CPA6: variants seen among roughly 807,000 people sequenced by gnomAD.
The protein encoded by CPA6 is carboxypeptidase B.
In CPA6, 58 loss-of-function variants were observed where a neutral mutation model predicts 63.3. That is an observed-to-expected ratio of 0.92 (90% CI 0.74 to 1.14). CPA6 has a LOEUF of 1.14. Ranked by LOEUF, CPA6 falls within the 50% of genes most tolerant of loss-of-function variation. The pLI is 0.00. For synonymous variants in CPA6, 185 were observed against 179.0 expected (o/e 1.03, Z -0.27); for missense variants, 565 against 526.6 (o/e 1.07, Z -0.71).
intron 2 of CPA6, among the ~76,000 whole-genome samples, chr8:67,528,928 C>CT (rs1812421189): frequency 6.6e-6 from 1 of 151,358 alleles, no homozygotes; most frequent in Non-Finnish European, 1.5e-5. Flanking sequence ...ATTGAAAAGT[C>CT]TAAGGAGAGA....
At chr8:67,544,237 A>T (rs1812766237) in intron 2 of CPA6, among the ~76,000 whole-genome samples, 1 of 152,206 alleles carries the variant, frequency 6.6e-6, no homozygotes, top group Non-Finnish European at 1.5e-5. Flanking sequence ...AAATCCAGGA[A>T]AAGGGGGTTA....
intron 1 of CPA6, among the ~76,000 whole-genome samples, chr8:67,711,889 T>C (rs886750113): frequency 6.6e-6 from 1 of 152,138 alleles, no homozygotes; most frequent in Non-Finnish European, 1.5e-5. Context: ...GGTGGCACTG[T>C]TGCCCCAAGG....
At chr8:67,723,144 G>C (rs1273615150) in intron 1 of CPA6, among the ~76,000 whole-genome samples, 1 of 151,918 alleles carries the variant, frequency 6.6e-6, no homozygotes, top group Admixed American at 6.6e-5. Context: ...CCATATTATA[G>C]ATATATCATG....
At chr8:67,690,207 T>C (rs1816788307) in intron 1 of CPA6, among the ~76,000 whole-genome samples, 1 of 152,204 alleles carries the variant, frequency 6.6e-6, no homozygotes, top group African/African-American at 2.4e-5. Flanking sequence ...TCAATTAATG[T>C]TAATCAAATT....
chr8:67,629,410 G>A (rs1188720477), intron 1 of CPA6, among the ~76,000 whole-genome samples: 1 of 151,138 alleles, frequency 6.6e-6, no homozygotes, highest in Non-Finnish European at 1.5e-5. Flanking sequence ...AGGCTAAGGA[G>A]CTGGAGGCTG....
At chr8:67,652,665 A>G (rs1815876322) in intron 1 of CPA6, among the ~76,000 whole-genome samples, 3 of 149,994 alleles carry the variant, frequency 2.0e-5, no homozygotes, top group Non-Finnish European at 4.5e-5. Context: ...GTAGGTTGCG[A>G]AAATTTTCTC....
At chr8:67,609,984 T>C (rs1002346802) in intron 2 of CPA6, among the ~76,000 whole-genome samples, 1 of 152,192 alleles carries the variant, frequency 6.6e-6, no homozygotes, top group Non-Finnish European at 1.5e-5. Flanking sequence ...ATTGTGCCAC[T>C]GCATTCCAGC....
At position 67,720,763 on chromosome 8, in the gene CPA6, C is replaced by A. The variant is rs1817481300; in HGVS notation, c.116+25251G>T. 4.6e-5 allele frequency among the ~76,000 whole-genome samples: 7 copies of A among 152,212 alleles called. No homozygotes were observed. In the South Asian group the frequency reaches 1.4e-3, roughly 32 times the overall value. ...ACCTTGAAACATGGCTCACTTTTAA[C>A]TTCTTTGAATGAAGAGCTGTGCGTT... is the stretch of plus-strand genomic sequence containing the variant. On this transcript the variant is annotated intron_variant, in intron 1 of 10. Transcript: ENST00000297770.
intron 1 of CPA6, among the ~76,000 whole-genome samples, chr8:67,638,971 C>A (rs2128989556): frequency 6.6e-6 from 1 of 151,500 alleles, no homozygotes; most frequent in African/African-American, 2.4e-5. Flanking sequence ...ATCTTAAAAC[C>A]AGGTCTCAAA....
At chr8:67,692,681 T>C (rs966090926) in intron 1 of CPA6, among the ~76,000 whole-genome samples, 6 of 152,234 alleles carry the variant, frequency 3.9e-5, no homozygotes, top group African/African-American at 1.4e-4. Context: ...ACAGAAGTGC[T>C]GCCCTTTAAC....
Position 67,746,228 on chromosome 8 carries a change from G to T in CPA6, c.-99C>A. On this transcript the variant is annotated 5_prime_UTR_variant, in exon 1 of 11. Transcript: ENST00000297770. ...ACACACCGCACAGGTTCTCCGGGAA[G>T]GGGGTGGGCGAGGAAGGTTGAGAGT... is the stretch of plus-strand genomic sequence containing the variant. 1.3e-6 allele frequency: 1 copy of T among 756,476 alleles called. No homozygotes were observed. Among genetic ancestry groups the T allele is most frequent in the Non-Finnish European group, 2.1e-6 (1 of 479,328 alleles). 46.9% of individuals were successfully genotyped at this position (756,476 alleles called of 1,614,324 possible).
At chr8:67,524,613 C>CATTTTTTTTTTTTTTTTT (rs1554670781) in intron 2 of CPA6, among the ~76,000 whole-genome samples, 1 of 149,822 alleles carries the variant, frequency 6.7e-6, no homozygotes. Context: ...TTTGAAAAAA[C>CATTTTTTTTTTTTTTTTT]TTTTTTTGTT....
chr8:67,526,743 A>C (rs1812372105), intron 2 of CPA6, among the ~76,000 whole-genome samples: 1 of 152,148 alleles, frequency 6.6e-6, no homozygotes, highest in Admixed American at 6.5e-5. Context: ...TTATGAACCC[A>C]GTGACTCCTG....
At chr8:67,457,576 C>T (rs766635998) in intron 8 of CPA6, among the ~76,000 whole-genome samples, 91 of 152,094 alleles carry the variant, frequency 6.0e-4, no homozygotes, top group Non-Finnish European at 1.1e-3. Context: ...GTTTCATCAC[C>T]TCTCACCTGG....
chr8:67,481,906 C>T (rs1296155772), intron 8 of CPA6, among the ~76,000 whole-genome samples: 1 of 152,198 alleles, frequency 6.6e-6, no homozygotes, highest in Non-Finnish European at 1.5e-5. Context: ...ACAGTACCAG[C>T]CAGGCTGCCT....
intron 2 of CPA6, among the ~76,000 whole-genome samples, chr8:67,521,511 G>T (rs1812256639): frequency 6.6e-6 from 1 of 152,228 alleles, no homozygotes; most frequent in Non-Finnish European, 1.5e-5. Context: ...CACATAGTAG[G>T]AGCTCAAAGG....
chr8:67,538,605 T>TC (rs2128970410), intron 2 of CPA6, among the ~76,000 whole-genome samples: 1 of 149,972 alleles, frequency 6.7e-6, no homozygotes, highest in South Asian at 2.1e-4. Flanking sequence ...GCACATGAGA[T>TC]GGGTCGCCTG....
At chr8:67,526,914 T>C (rs1235002687) in intron 2 of CPA6, among the ~76,000 whole-genome samples, 1 of 152,180 alleles carries the variant, frequency 6.6e-6, no homozygotes, top group Non-Finnish European at 1.5e-5. Context: ...TTTGAGAACT[T>C]AGCAGCCCCC....
chr8:67,455,249 C>A (rs959678678), intron 8 of CPA6, among the ~76,000 whole-genome samples: 1 of 152,090 alleles, frequency 6.6e-6, no homozygotes, highest in Non-Finnish European at 1.5e-5. Flanking sequence ...CACGAAGCAG[C>A]GCAGTGACAG....
Sources: allele counts gnomAD v4.1 joint callset (sites outside exome capture counted in the v4.1 genomes callset), GRCh38; gene constraint gnomAD v4.1.1; transcripts MANE v1.5; gene names NCBI Gene and HGNC (gene_info 2026-07-23, HGNC 2026-07-21).